The following CCDC13 variants were observed in gnomAD, a reference collection of about 807,000 sequenced individuals.
The protein encoded by CCDC13 is coiled-coil domain-containing protein 13.
CCDC13 carries 70 observed loss-of-function variants against 87.3 expected under a neutral mutation model. The ratio of observed to expected loss-of-function variants is 0.80; its 90% confidence interval spans 0.66 to 0.98. The LOEUF is 0.98. CCDC13 is among the 50% of genes least tolerant of loss of function. The pLI is 0.00. For missense variants in CCDC13, 842 were observed against 892.0 expected, an observed-to-expected ratio of 0.94 and a Z score of 0.71; for synonymous variants, 317 against 360.3, an observed-to-expected ratio of 0.88 and a Z score of 1.36.
In CCDC13 at chr3:42,755,863, G is replaced by T. The variant is rs189878529; in HGVS notation, c.370+1203C>A. Among the ~76,000 whole-genome samples the T allele has an allele frequency of 4.6e-5, 7 of 152,304 alleles. No individual in the cohort carries two copies. In the East Asian group the frequency reaches 1.2e-3, roughly 25 times the overall value. On this transcript the variant is annotated intron_variant, in intron 3 of 15. Coordinates refer to ENST00000310232, the MANE Select transcript of CCDC13 (RefSeq NM_144719.4). ...CTTCCCAGGTCTGCTGGGTGGAGAT[G>T]TATCTCCTGCTCCCCCTGGAGCCCA...
Position 42,752,737 on chromosome 3 carries a change from G to A in CCDC13, c.371-20C>T. 1 of 1,613,248 alleles carries A rather than the reference G, an allele frequency of 6.2e-7. No individual in the cohort carries two copies. Among genetic ancestry groups the A allele is most frequent in the Non-Finnish European group, 8.5e-7 (1 of 1,179,950 alleles). ...CTGTCCCTAAAATGAAAGGAATGGT[G>A]AGGTCAATTAAAAACACAGGCATAC... On this transcript the variant is annotated intron_variant, in intron 3 of 15. Transcript: ENST00000310232.
chr3:42,717,152 A>G (rs1698448342), intron 13 of CCDC13, among the ~76,000 whole-genome samples: 1 of 152,198 alleles, frequency 6.6e-6, no homozygotes, highest in South Asian at 2.1e-4. Context: ...CTGGCTGGGC[A>G]TGGTGGCTCA....
Position 42,747,330 on chromosome 3 carries a change from G to A in CCDC13, c.647C>T (p.Ala216Val), listed in dbSNP as rs901644142. ...EVKALQDRLV[A>V]TNLKMSDLRN... The stretch of plus-strand genomic sequence containing the variant: ...GAGGTCACTCATCTTCAAGTTGGTG[G>A]CCACCAGCCTGTCCTGCAGGGCCTT... Residue 216 changes from alanine (A) to valine (V), a missense_variant, in exon 6 of 16, where the codon GCC (alanine) becomes GTC (valine). By Grantham distance (64) the Ala-to-Val change is moderately conservative (BLOSUM62 0). Transcript: ENST00000310232. 1.9e-6 allele frequency: 3 copies of A among 1,613,976 alleles called. No individual in the cohort carries two copies. The highest frequency in any genetic ancestry group is 2.5e-6 in the Non-Finnish European group (3 of 1,180,036).
At chr3:42,705,497 C>T (rs908713442), downstream of CCDC13, among the ~76,000 whole-genome samples, 1 of 152,200 alleles carries the variant, frequency 6.6e-6, no homozygotes, top group African/African-American at 2.4e-5. Context: ...AGCACCAAGA[C>T]CTGCAGCACC....
chr3:42,734,572 C>T (rs1394354536), intron 10 of CCDC13, among the ~76,000 whole-genome samples: 7 of 152,230 alleles, frequency 4.6e-5, no homozygotes, highest in Admixed American at 4.6e-4. Context: ...GGAATAGAGG[C>T]TACAGGACAA....
chr3:42,734,969 C>T (rs1698958322), intron 10 of CCDC13, among the ~76,000 whole-genome samples: 1 of 152,254 alleles, frequency 6.6e-6, no homozygotes, highest in Non-Finnish European at 1.5e-5. Context: ...CACTGAGGCA[C>T]CACGGTCTGT....
chr3:42,718,274 C>T (rs1193660422), intron 13 of CCDC13: 1 of 152,188 alleles, frequency 6.6e-6, no homozygotes, highest in Non-Finnish European at 1.5e-5. Context: ...CTCTGGATGT[C>T]CTCACTGCTA....
At chr3:42,752,376 G>A (rs2125905208) in intron 4 of CCDC13, among the ~76,000 whole-genome samples, 199 bp downstream of exon 4, 1 of 152,298 alleles carries the variant, frequency 6.6e-6, no homozygotes, top group Admixed American at 6.5e-5. Context: ...GAACAGATGA[G>A]GCCAGAGACA....
intron 1 of CCDC13, among the ~76,000 whole-genome samples, chr3:42,764,102 TAA>T (rs1251218547): frequency 6.6e-6 from 1 of 152,180 alleles, no homozygotes; most frequent in Non-Finnish European, 1.5e-5. Flanking sequence ...TGGGTTAGAA[TAA>T]AAGAGATAAA....
chr3:42,708,986 C>A lies in CCDC13; in HGVS notation c.2142G>T (p.Lys714Asn). Residue 714 changes from lysine (K) to asparagine (N), a missense_variant, in exon 16 of 16, where the codon AAG becomes AAT. Transcript: ENST00000310232. ...CCGACACTGGGCTGTCATCCTATTG[C>A]TTGCCTGTCTTCTGCTGCCGCAGGG... ...LQALRQQKTG[K>N]Q is the part of the protein sequence containing the mutation. 2 of 1,611,012 alleles carry A rather than the reference C, an allele frequency of 1.2e-6. No homozygotes were observed. The highest frequency in any genetic ancestry group is 2.7e-5 in the African/African-American group (2 of 74,988).
Position 42,743,628 on chromosome 3 carries a change from T to C in CCDC13, c.826-571A>G, listed in dbSNP as rs926832532. On this transcript the variant is annotated intron_variant, in intron 7 of 15. Transcript: ENST00000310232. ...ACACACACATATATATATACACATA[T>C]ACACACACACACATAAATATATAAA... Among the ~76,000 whole-genome samples the C allele has an allele frequency of 7.0e-5, 10 of 142,722 alleles. 1 individual carries two copies. The highest frequency in any genetic ancestry group is 2.4e-4 in the African/African-American group (9 of 37,692). 93.6% of individuals were successfully genotyped at this position (142,722 alleles called of 152,430 possible).
At chr3:42,723,504 A>G (rs1006685825) in intron 13 of CCDC13, among the ~76,000 whole-genome samples, 6 of 152,240 alleles carry the variant, frequency 3.9e-5, no homozygotes, top group South Asian at 4.1e-4. Flanking sequence ...TAAGGCATGT[A>G]TATCGGGGGT....
intron 14 of CCDC13, 31 bp downstream of exon 14, chr3:42,713,131 C>G (rs376912090): frequency 9.1e-5 from 146 of 1,607,170 alleles, no homozygotes; most frequent in Non-Finnish European, 1.2e-4. Flanking sequence ...GCCTCCACCC[C>G]CTGCACTGAG....
chr3:42,761,402 G>A (rs1181944768), intron 1 of CCDC13, among the ~76,000 whole-genome samples: 3 of 152,082 alleles, frequency 2.0e-5, no homozygotes, highest in Non-Finnish European at 4.4e-5. Flanking sequence ...CCCTGCCCTC[G>A]CTCCCCATGC....
At chr3:42,760,058 G>C (rs1163111142) in intron 1 of CCDC13, among the ~76,000 whole-genome samples, 3 of 152,130 alleles carry the variant, frequency 2.0e-5, no homozygotes, top group East Asian at 3.9e-4. Context: ...CTAGGAGGCC[G>C]AGGTGGGTGG....
At chr3:42,772,682 G>A (rs1279556907) in intron 1 of CCDC13, among the ~76,000 whole-genome samples, 3 of 152,214 alleles carry the variant, frequency 2.0e-5, no homozygotes, top group Admixed American at 6.5e-5. Context: ...GCGGGGTGAT[G>A]CTCTGGTTCT....
intron 14 of CCDC13, among the ~76,000 whole-genome samples, chr3:42,710,135 A>T (rs1575264544): frequency 7.0e-6 from 1 of 142,580 alleles, no homozygotes; most frequent in South Asian, 2.2e-4. Context: ...TTTGAGACAG[A>T]GTCTTGCTCT....
At chr3:42,751,838 G>A (rs1699587210) in intron 5 of CCDC13, 98 bp downstream of exon 5, 1 of 1,085,228 alleles carries the variant, frequency 9.2e-7, no homozygotes, top group Non-Finnish European at 1.4e-6. Context: ...GGGGTTGGGG[G>A]TGGACCTCGG....
intron 13 of CCDC13, among the ~76,000 whole-genome samples, 161 bp downstream of exon 13, chr3:42,730,306 G>A (rs1156807535): frequency 6.6e-6 from 1 of 152,118 alleles, no homozygotes; most frequent in Non-Finnish European, 1.5e-5. Context: ...TGACGACAAG[G>A]CCCCAAGGTT....
Sources: gnomAD v4.1 joint callset for allele counts (sites outside exome capture counted in the v4.1 genomes callset) on GRCh38, gnomAD v4.1.1 for gene constraint, MANE v1.5 for transcripts, NCBI Gene and HGNC (gene_info 2026-07-23, HGNC 2026-07-21) for gene names.